The following GPC6 variants were observed in gnomAD, a reference collection of about 807,000 sequenced individuals.
GPC6 encodes the protein glypican 6.
GPC6 carries 14 observed loss-of-function variants against 55.2 expected under a neutral mutation model. That is an observed-to-expected ratio of 0.25 (90% CI 0.17 to 0.40). GPC6 has a LOEUF of 0.40. Ranked by LOEUF, GPC6 falls within the 10% of genes least tolerant of loss-of-function variation. The pLI is 1.00. For synonymous variants in GPC6, 278 were observed against 259.6 expected (o/e 1.07, Z -0.68); for missense variants, 641 against 708.5 (o/e 0.90, Z 1.08).
At chr13:94,027,968 T>A (rs1882967681) in intron 4 of GPC6, 74 bp downstream of exon 4, 4 of 1,347,286 alleles carry the variant, frequency 3.0e-6, no homozygotes, top group African/African-American at 1.4e-5. Flanking sequence ...GATGGGTGGG[T>A]CAGAAGTTAT....
chr13:93,793,581 C>G (rs911574760), intron 2 of GPC6, among the ~76,000 whole-genome samples: 1 of 152,012 alleles, frequency 6.6e-6, no homozygotes, highest in East Asian at 1.9e-4. Flanking sequence ...CAAAGAGAAA[C>G]ACAAATATTA....
intron 2 of GPC6, among the ~76,000 whole-genome samples, chr13:93,764,966 A>C (rs1390944835): frequency 6.6e-6 from 1 of 151,670 alleles, no homozygotes; most frequent in Admixed American, 6.6e-5. Flanking sequence ...CGTCCAGCTA[A>C]TTTTTTGTAT....
At chr13:93,719,282 T>G (rs1449360685) in intron 2 of GPC6, among the ~76,000 whole-genome samples, 1 of 152,096 alleles carries the variant, frequency 6.6e-6, no homozygotes, top group Non-Finnish European at 1.5e-5. Flanking sequence ...GTAGTTCTCC[T>G]TGAAGAGGTC....
intron 4 of GPC6, among the ~76,000 whole-genome samples, chr13:94,121,282 C>T (rs1450818360): frequency 3.9e-5 from 6 of 152,102 alleles, no homozygotes; most frequent in Admixed American, 2.0e-4. Flanking sequence ...CCTGTAGAAG[C>T]ACAGGAATAA....
chr13:93,469,195 C>G (rs1276280675), intron 1 of GPC6, among the ~76,000 whole-genome samples: 5 of 151,960 alleles, frequency 3.3e-5, no homozygotes, highest in Non-Finnish European at 7.4e-5. Flanking sequence ...CTTCAAAATT[C>G]AATAATTTTG....
intron 3 of GPC6, among the ~76,000 whole-genome samples, chr13:93,947,479 G>A (rs1018940629): frequency 2.0e-5 from 3 of 152,100 alleles, no homozygotes; most frequent in Admixed American, 6.5e-5. Flanking sequence ...AAAAACAGTT[G>A]ATGGATAGAT....
intron 3 of GPC6, among the ~76,000 whole-genome samples, chr13:93,921,665 G>A (rs1268049716): frequency 1.3e-5 from 2 of 151,418 alleles, no homozygotes; most frequent in Non-Finnish European, 2.9e-5. Flanking sequence ...TCTTCTGCTT[G>A]TCGGCTCATG....
chr13:94,105,026 A>G (rs528581261), intron 4 of GPC6, among the ~76,000 whole-genome samples: 37 of 152,272 alleles, frequency 2.4e-4, no homozygotes, highest in African/African-American at 8.7e-4. Flanking sequence ...CTAAGCAAAA[A>G]GAACAAAGCT....
chr13:94,354,673 T>C (rs1425328968), intron 6 of GPC6, among the ~76,000 whole-genome samples: 1 of 152,224 alleles, frequency 6.6e-6, no homozygotes, highest in African/African-American at 2.4e-5. Context: ...TGAATCGATA[T>C]GCAAATGAGT....
intron 1 of GPC6, among the ~76,000 whole-genome samples, chr13:93,424,175 A>G (rs907791247): frequency 6.6e-6 from 1 of 152,144 alleles, no homozygotes; most frequent in Non-Finnish European, 1.5e-5. Context: ...GGCAGAAGGA[A>G]AAGTTGAGCT....
At chr13:94,200,855 T>A (rs1594051297) in intron 4 of GPC6, among the ~76,000 whole-genome samples, 2 of 152,142 alleles carry the variant, frequency 1.3e-5, no homozygotes, top group Non-Finnish European at 2.9e-5. Flanking sequence ...CCACACTGGG[T>A]TTGAACCACA....
intron 1 of GPC6, among the ~76,000 whole-genome samples, chr13:93,474,251 A>G (rs1879226286): frequency 6.6e-6 from 1 of 152,096 alleles, no homozygotes; most frequent in African/African-American, 2.4e-5. Flanking sequence ...TCTTGTGTGT[A>G]CCTTCCAGGG....
At chr13:93,790,512 T>G (rs1885996474) in intron 2 of GPC6, among the ~76,000 whole-genome samples, 1 of 152,186 alleles carries the variant, frequency 6.6e-6, no homozygotes, top group Admixed American at 6.5e-5. Context: ...GAAAAGCTCT[T>G]GCATTCAGAA....
At chr13:93,924,039 G>A (rs944580901) in intron 3 of GPC6, among the ~76,000 whole-genome samples, 13 of 152,208 alleles carry the variant, frequency 8.5e-5, no homozygotes, top group Middle Eastern at 6.3e-3. Context: ...CAGTGCAATA[G>A]CAGTGTGCCC....
At chr13:94,348,111 G>C (rs1181008700) in intron 6 of GPC6, among the ~76,000 whole-genome samples, 1 of 152,186 alleles carries the variant, frequency 6.6e-6, no homozygotes, top group Non-Finnish European at 1.5e-5. Context: ...CTGCCCGACT[G>C]GTTGGTTGAA....
chr13:93,223,532 C>T (rs1193907712), upstream of GPC6, among the ~76,000 whole-genome samples: 1 of 152,064 alleles, frequency 6.6e-6, no homozygotes, highest in African/African-American at 2.4e-5. Flanking sequence ...TTACCTCCAC[C>T]TCCAGAGTTC....
intron 4 of GPC6, among the ~76,000 whole-genome samples, chr13:94,176,819 A>T (rs1201134040): frequency 6.6e-6 from 1 of 152,232 alleles, no homozygotes; most frequent in African/African-American, 2.4e-5. Flanking sequence ...GCAGAAGCAG[A>T]TGTATGCTTC....
At chr13:93,693,461 CTGTGTGTGTGTGTGTG>C (rs35459356) in intron 2 of GPC6, among the ~76,000 whole-genome samples, 1 of 139,340 alleles carries the variant, frequency 7.2e-6, no homozygotes, top group South Asian at 2.4e-4. Context: ...GTATGTATAT[CTGTGTGTGTGTGTGTG>C]TGTGTGTGTG....
intron 2 of GPC6, among the ~76,000 whole-genome samples, chr13:93,670,106 C>G (rs1014142093): frequency 2.0e-5 from 3 of 152,084 alleles, no homozygotes; most frequent in African/African-American, 4.8e-5. Context: ...TTAAGTCTTC[C>G]TTTGGGATGT....
Sources: allele counts gnomAD v4.1 joint callset (sites outside exome capture counted in the v4.1 genomes callset), GRCh38; gene constraint gnomAD v4.1.1; transcripts MANE v1.5; gene names NCBI Gene and HGNC (gene_info 2026-07-23, HGNC 2026-07-21).